TRPM3: variants seen among roughly 807,000 people sequenced by gnomAD.
TRPM3 encodes long transient receptor potential channel 3.
Under a neutral mutation model 181.2 loss-of-function variants are expected in TRPM3, and 77 were observed. That is an observed-to-expected ratio of 0.42 (90% confidence interval 0.35 to 0.51). TRPM3 has a LOEUF of 0.51. Among genes scored for constraint, TRPM3 ranks in the 20% least tolerant of loss-of-function variants. TRPM3 has a pLI of 0.01. For synonymous variants in TRPM3, 745 were observed against 796.4 expected, an observed-to-expected ratio of 0.94 and a Z score of 1.09; for missense variants, 1,759 against 2,196.7, an observed-to-expected ratio of 0.80 and a Z score of 3.98.
chr9:71,056,302 T>G (rs1334601725), intron 1 of TRPM3, among the ~76,000 whole-genome samples: 1 of 152,064 alleles, frequency 6.6e-6, no homozygotes, highest in Non-Finnish European at 1.5e-5. Context: ...CTTTTCATAT[T>G]ATGTTCAAAG....
chr9:70,590,160 T>A (rs77510951), intron 22 of TRPM3, among the ~76,000 whole-genome samples: 69 of 152,270 alleles, frequency 4.5e-4, no homozygotes, highest in African/African-American at 1.6e-3. Flanking sequence ...GGGATTCAAC[T>A]CCTCCACACT....
At chr9:70,581,024 C>A (rs933105667) in intron 22 of TRPM3, among the ~76,000 whole-genome samples, 3 of 152,170 alleles carry the variant, frequency 2.0e-5, no homozygotes, top group African/African-American at 7.2e-5. Context: ...AATGAATGAA[C>A]CCATTCAAAC....
At chr9:71,302,999 C>T (rs2086919223) in intron 1 of TRPM3, among the ~76,000 whole-genome samples, 1 of 151,992 alleles carries the variant, frequency 6.6e-6, no homozygotes, top group African/African-American at 2.4e-5. Flanking sequence ...AGCCTAAGGC[C>T]ACTTCAGACT....
chr9:70,909,399 G>A (rs1210522827), intron 1 of TRPM3, among the ~76,000 whole-genome samples: 1 of 152,116 alleles, frequency 6.6e-6, no homozygotes. Context: ...ACCCTTCATA[G>A]TATGGTAGGG....
chr9:71,398,844 G>A (rs1360320380), intron 1 of TRPM3, among the ~76,000 whole-genome samples: 2 of 152,006 alleles, frequency 1.3e-5, no homozygotes, highest in Non-Finnish European at 2.9e-5. Context: ...GTTATGAACA[G>A]GCAATCGATA....
chr9:71,153,724 C>T (rs17056367), intron 1 of TRPM3, among the ~76,000 whole-genome samples: 2,479 of 152,194 alleles, frequency 0.016, 40 homozygotes, highest in East Asian at 0.073. Context: ...ATCCTAAACC[C>T]TTTGCTCATA....
In TRPM3 at chr9:71,129,485, C is replaced by T. The variant is rs73647949; in HGVS notation, c.184-264974G>A. ...ACTACGTGCTAAACAGTGTTAAGCA[C>T]GTAGCTCATTTAGTTATCATAACAA... On this transcript the variant is annotated intron_variant, in intron 1 of 24. Transcript: ENST00000357533. Among the ~76,000 whole-genome samples the T allele has an allele frequency of 3.7e-3, 566 of 152,044 alleles. 5 individuals are homozygous for T. The highest frequency in any genetic ancestry group is 0.013 in the African/African-American group (544 of 41,498).
rs563008588 is a variant in TRPM3 at position 70,956,234 on chromosome 9, C to A, written c.178-91723G>T. On this transcript the variant is annotated intron_variant, in intron 1 of 25. Transcript: ENST00000677713. ...GGAGAGCTTGGACAGTTCTTAGGAT[C>A]AATCTTTCTTTAAGAAATCAAATAA... 7.4e-4 allele frequency among the ~76,000 whole-genome samples: 107 copies of A among 144,364 alleles called. 1 individual carries two copies. Among genetic ancestry groups the A allele is most frequent in the South Asian group, 2.9e-3 (12 of 4,182 alleles). The allele number at this position is 144,364 out of a possible 152,430, so 94.7% of individuals were successfully genotyped here.
chr9:71,153,506 G>T (rs2075839243), intron 1 of TRPM3, among the ~76,000 whole-genome samples: 1 of 151,898 alleles, frequency 6.6e-6, no homozygotes, highest in African/African-American at 2.4e-5. Flanking sequence ...GGCCAGGCTG[G>T]TCTCAAACTC....
intron 1 of TRPM3, among the ~76,000 whole-genome samples, chr9:71,216,607 T>G (rs1158573578): frequency 6.6e-6 from 1 of 152,208 alleles, no homozygotes; most frequent in East Asian, 1.9e-4. Context: ...AAATGGAAAG[T>G]GAAATGCCAT....
chr9:71,109,297 G>T (rs1312915864), intron 1 of TRPM3, among the ~76,000 whole-genome samples: 19 of 144,134 alleles, frequency 1.3e-4, no homozygotes, highest in African/African-American at 2.8e-4. Flanking sequence ...CTTCTGGTTT[G>T]TTTTTTTTTT....
intron 1 of TRPM3, among the ~76,000 whole-genome samples, chr9:71,342,577 G>A (rs970548796): frequency 6.6e-6 from 1 of 152,024 alleles, no homozygotes; most frequent in Non-Finnish European, 1.5e-5. Flanking sequence ...TCCAAGTGCT[G>A]TCAAGGATGT....
intron 1 of TRPM3, among the ~76,000 whole-genome samples, chr9:71,388,023 G>T (rs17535276): frequency 0.17 from 26,241 of 152,038 alleles, 2,918 homozygotes; most frequent in Middle Eastern, 0.26. Flanking sequence ...GAAGATGAAG[G>T]GTTCTTTTCC....
At position 70,598,637 on chromosome 9, in the gene TRPM3, T is replaced by C; in HGVS notation, c.2830A>G (p.Lys944Glu). The C allele has an allele frequency of 6.2e-7, 1 of 1,614,062 alleles. No individual in the cohort carries two copies. The highest frequency in any genetic ancestry group is 8.5e-7 in the Non-Finnish European group (1 of 1,179,926). ...TACTCCTGCAGCCATACCTTCACTTTCTGTAGCAACTTCCCTGGCTCTGAC... is the reference window on the plus strand; with the variant it reads ...TACTCCTGCAGCCATACCTTCACTTCCTGTAGCAACTTCCCTGGCTCTGAC... ...LMSEPGKLLQ[K>E]VKVWLQEYWN... The change falls in exon 21 of 26, where the codon AAA (lysine) becomes GAA (glutamate). Residue 944 changes from lysine to glutamate, a missense_variant. This residue lies in a region of TRPM3 where 100 missense variants were observed against 123.0 expected (regional missense o/e 0.81). Transcript: ENST00000677713.
In TRPM3 at chr9:71,329,052, AAGAT is replaced by A. The variant is rs1052274981; in HGVS notation, c.183+117597_183+117600del. On this transcript the variant is annotated intron_variant, in intron 1 of 24. Coordinates refer to the TRPM3 transcript ENST00000357533. ...TGAGCCTCGGTTTCCTTTTCTGTAAAAGATAGGTGACAATAGAACTATTACAAGG... is the reference window on the plus strand; with the variant it reads ...TGAGCCTCGGTTTCCTTTTCTGTAAAAGGTGACAATAGAACTATTACAAGG... Among the ~76,000 whole-genome samples, 25 of 152,350 alleles carry A rather than the reference AAGAT, an allele frequency of 1.6e-4. 2 individuals carry two copies. Among genetic ancestry groups the A allele is most frequent in the African/African-American group, 6.0e-4 (25 of 41,586 alleles).
At chr9:71,169,176 GT>G (rs1400320939) in intron 1 of TRPM3, among the ~76,000 whole-genome samples, 104 of 152,132 alleles carry the variant, frequency 6.8e-4, no homozygotes, top group Non-Finnish European at 5.7e-4. Context: ...GTTGCTCCTT[GT>G]TTTTGTGTGT....
chr9:71,328,538 GTC>G lies in TRPM3; in HGVS notation c.183+118113_183+118114del, dbSNP rs1455013108. On this transcript the variant is annotated intron_variant, in intron 1 of 24. Transcript: ENST00000357533. ...GATTTGCCACTAAACCTACAAAAAT[GTC>G]TGTTTTTTACTTTCCCAATTCTGAA... is the stretch of plus-strand genomic sequence containing the variant. Among the ~76,000 whole-genome samples, 3 of 152,150 alleles carry G rather than the reference GTC, an allele frequency of 2.0e-5. No individual in the cohort carries two copies. In the East Asian group the frequency reaches 5.8e-4, roughly 29 times the overall value.
chr9:70,668,168 G>A (rs371441607), intron 9 of TRPM3, among the ~76,000 whole-genome samples: 6 of 152,042 alleles, frequency 3.9e-5, no homozygotes, highest in South Asian at 4.2e-4. Context: ...CATGGCCATC[G>A]ATGCTCAGAA....
intron 1 of TRPM3, among the ~76,000 whole-genome samples, chr9:70,965,071 G>C (rs2133859278): frequency 6.6e-6 from 1 of 151,996 alleles, no homozygotes; most frequent in South Asian, 2.1e-4. Context: ...CTGACTTCTA[G>C]CTTCTCCCAG....
Sources: allele counts gnomAD v4.1 joint callset (sites outside exome capture counted in the v4.1 genomes callset), GRCh38; gene constraint gnomAD v4.1.1; regional missense constraint gnomAD v4.1.1; transcripts MANE v1.5; gene names NCBI Gene and HGNC (gene_info 2026-07-23, HGNC 2026-07-21).